Variants in ARHGEF1 observed in about 807,000 individuals in gnomAD.
ARHGEF1 encodes the protein 115 kDa guanine nucleotide exchange factor.
A neutral mutation model predicts 119.7 loss-of-function variants in ARHGEF1; 40 were observed. The ratio of observed to expected loss-of-function variants is 0.33; its 90% confidence interval spans 0.26 to 0.44. The LOEUF is 0.44. Ranked by LOEUF, ARHGEF1 falls within the 20% of genes least tolerant of loss-of-function variation. ARHGEF1 has a pLI of 1.00. For synonymous variants in ARHGEF1, 494 were observed against 521.0 expected (o/e 0.95, Z 0.71); for missense variants, 976 against 1,268.3 (o/e 0.77, Z 3.50).
Position 41,905,318 on chromosome 19 carries a change from C to G in ARHGEF1, c.2336+57C>G. 1.3e-6 allele frequency: 2 copies of G among 1,494,308 alleles called. No individual in the cohort carries two copies. The highest frequency in any genetic ancestry group is 1.8e-6 in the Non-Finnish European group (2 of 1,096,372). The allele number at this position is 1,494,308 out of a possible 1,614,324, so 92.6% of individuals were successfully genotyped here. On this transcript the variant is annotated intron_variant, in intron 24 of 28. Coordinates refer to ENST00000354532, the MANE Select transcript of ARHGEF1 (RefSeq NM_004706.4). The surrounding 1 kb of genome is among the most constrained non-coding windows in gnomAD (Gnocchi z 6.4). Reference sequence around the variant, plus strand: ...CAGGGAGTGGGGCCGGAAGGCGGGGCAGGCTTCCCTCCACAACTCCAGAAC... The same window carrying G: ...CAGGGAGTGGGGCCGGAAGGCGGGGGAGGCTTCCCTCCACAACTCCAGAAC...
chr19:41,924,178 G>C (rs2074858689), intron 1 of ARHGEF1, among the ~76,000 whole-genome samples: 2 of 151,856 alleles, frequency 1.3e-5, no homozygotes, highest in Non-Finnish European at 2.9e-5. Flanking sequence ...GGAGAAGCAA[G>C]TGTCACCAAA....
rs577122149 is a variant in ARHGEF1 at position 41,905,545 on chromosome 19, G to A, written c.2337-215G>A. On this transcript the variant is annotated intron_variant, in intron 24 of 28. Coordinates refer to ENST00000354532, the MANE Select transcript of ARHGEF1 (RefSeq NM_004706.4). The surrounding 1 kb of genome is among the most constrained non-coding windows in gnomAD (Gnocchi z 6.4). ...TGTGCATGCATGTGTGTGTGTGTGC[G>A]CATGTGCCGACCCCACCACTGCCCC... 1.8e-4 allele frequency: 113 copies of A among 618,022 alleles called. No homozygotes were observed. Among genetic ancestry groups the A allele is most frequent in the East Asian group, 2.7e-4 (10 of 36,478 alleles). 38.3% of individuals were successfully genotyped at this position (618,022 alleles called of 1,614,324 possible).
rs782124733 is a variant in ARHGEF1 at position 41,906,530 on chromosome 19, G to A, written c.2565G>A (p.Gly855=). 4 of 1,581,636 alleles carry A rather than the reference G, an allele frequency of 2.5e-6. No individual in the cohort carries two copies. The Admixed American group carries it at 6.3e-5, about 25-fold the overall frequency. The change falls in exon 27 of 29, where the codon GGG becomes GGA. Residue 855 remains glycine (G), a synonymous_variant. Coordinates refer to ENST00000354532, the MANE Select transcript of ARHGEF1 (RefSeq NM_004706.4). This position sits in a 1 kb window ranked among gnomAD's most constrained non-coding sequence, Gnocchi z 4.5. ...CGGGGCCTCCTCGAGATGGGGATGG[G>A]GTCCCAGGGGGCGGCCCCCTGAGCC... The part of the protein sequence containing the change: ...NGAGPPRDGD[G]VPGGGPLSPA...
chr19:41,906,850 C>T lies in ARHGEF1; in HGVS notation c.*17+47C>T. ...CAGGGCGCTGTCCTGAAAGGAGGGTCCCCCTCCAGAGCTCGCATCCCTACA... is the reference window on the plus strand; with the variant it reads ...CAGGGCGCTGTCCTGAAAGGAGGGTTCCCCTCCAGAGCTCGCATCCCTACA... On this transcript the variant is annotated intron_variant, in intron 28 of 28. Transcript: ENST00000354532. This position sits in a 1 kb window ranked among gnomAD's most constrained non-coding sequence, Gnocchi z 4.5. 2 of 1,450,890 alleles carry T rather than the reference C, an allele frequency of 1.4e-6. No individual in the cohort carries two copies. Among genetic ancestry groups the T allele is most frequent in the South Asian group, 1.3e-5 (1 of 77,422 alleles). 89.9% of individuals were successfully genotyped at this position (1,450,890 alleles called of 1,614,324 possible).
rs2074664328 is a variant in ARHGEF1 at position 41,904,826 on chromosome 19, G to T, written c.2162-123G>T. ...TGGATATTAGCAGACAGTGAGTGGTGAGTTGAGCCATGGGAGCCCTGAGAG... is the reference window on the plus strand; with the variant it reads ...TGGATATTAGCAGACAGTGAGTGGTTAGTTGAGCCATGGGAGCCCTGAGAG... On this transcript the variant is annotated intron_variant, in intron 22 of 28. Coordinates refer to ENST00000354532, the MANE Select transcript of ARHGEF1 (RefSeq NM_004706.4). The surrounding 1 kb of genome is among the most constrained non-coding windows in gnomAD (Gnocchi z 8.4). 1 of 767,602 alleles carries T rather than the reference G, an allele frequency of 1.3e-6. No homozygotes were observed. The highest frequency in any genetic ancestry group is 2.2e-6 in the Non-Finnish European group (1 of 444,684). 47.5% of individuals were successfully genotyped at this position (767,602 alleles called of 1,614,324 possible).
At position 41,905,255 on chromosome 19, in the gene ARHGEF1, C is replaced by T. The variant is rs146058052; in HGVS notation, c.2330C>T (p.Pro777Leu). The change falls in exon 24 of 29, where the codon CCG (proline) becomes CTG (leucine). Residue 777 changes from proline (P) to leucine (L), a missense_variant. Around this residue, in one of 3 missense-constraint regions of ARHGEF1, gnomAD observed 171 missense variants for 180.6 expected, o/e 0.95. Transcript: ENST00000354532. This position sits in a 1 kb window ranked among gnomAD's most constrained non-coding sequence, Gnocchi z 6.4. ...PASRPKPRPS[P>L]SSTREPLLSS... ...TCTCGCCCTAAGCCCCGGCCCAGCC[C>T]GAGCAGGTGAGGGGGGCCATGGAGA... The T allele has an allele frequency of 6.6e-5, 107 of 1,613,020 alleles. No individual in the cohort carries two copies. The African/African-American group carries it at 1.2e-3, about 18-fold the overall frequency.
chr19:41,928,842 A>G (rs1555853578), exon 2 of ARHGEF1: 1 of 449,984 alleles, frequency 2.2e-6, no homozygotes, highest in Non-Finnish European at 4.5e-6. Flanking sequence ...GGACGCGCGG[A>G]CAAACGGACA....
intron 1 of ARHGEF1, among the ~76,000 whole-genome samples, chr19:41,927,575 T>A (rs2074879086): frequency 6.6e-6 from 1 of 152,084 alleles, no homozygotes; most frequent in Non-Finnish European, 1.5e-5. Flanking sequence ...CCGCCCCAAG[T>A]GTCCAGTCTC....
chr19:41,884,998 T>C (rs943053692), intron 1 of ARHGEF1, among the ~76,000 whole-genome samples: 10 of 152,154 alleles, frequency 6.6e-5, no homozygotes, highest in African/African-American at 2.2e-4. Flanking sequence ...CTGAGTCACC[T>C]GCTCAACACA....
Position 41,904,312 on chromosome 19 carries a change from C to T in ARHGEF1, c.2090C>T (p.Thr697Met). The change falls in exon 22 of 29, where the codon ACG becomes ATG. Residue 697 changes from threonine (T) to methionine (M), a missense_variant. Physicochemically the swap from Thr to Met is moderately conservative, Grantham distance 81. Transcript: ENST00000354532. The surrounding 1 kb of genome is among the most constrained non-coding windows in gnomAD (Gnocchi z 8.4). ...TCCCATAGCCGGACACTGACGCCCA[C>T]GCCCGATGGCAAGACCATGCTGCGG... The part of the protein sequence containing the change: ...LKSHSRTLTP[T>M]PDGKTMLRPV... 6 of 1,609,792 alleles carry T rather than the reference C, an allele frequency of 3.7e-6. No homozygotes were observed. Among genetic ancestry groups the T allele is most frequent in the South Asian group, 1.1e-5 (1 of 90,690 alleles).
rs782277908 is a variant in ARHGEF1, at chr19:41,892,288, C to T, written c.325-43C>T. 1 of 1,612,162 alleles carries T rather than the reference C, an allele frequency of 6.2e-7. No homozygotes were observed. The highest frequency in any genetic ancestry group is 1.1e-5 in the South Asian group (1 of 91,064). On this transcript the variant is annotated intron_variant, in intron 5 of 28. Transcript: ENST00000354532. The surrounding 1 kb of genome is among the most constrained non-coding windows in gnomAD (Gnocchi z 6.3). ...GCAGTCCTCCCGGCCTGCATCTCAG[C>T]ACACCAAGTCCTCCTCTTCACCCCA...
Position 41,904,240 on chromosome 19 carries a change from A to C in ARHGEF1, c.2018A>C (p.Asp673Ala). 6.2e-7 allele frequency: 1 copy of C among 1,613,310 alleles called. No individual in the cohort carries two copies. Among genetic ancestry groups the C allele is most frequent in the Non-Finnish European group, 8.5e-7 (1 of 1,179,794 alleles). The change falls in exon 22 of 29, where the codon GAC becomes GCC. Residue 673 changes from aspartate (D) to alanine (A), a missense_variant. By Grantham distance (126) the Asp-to-Ala change is moderately radical. Coordinates refer to ENST00000354532, the MANE Select transcript of ARHGEF1 (RefSeq NM_004706.4). The surrounding 1 kb of genome is among the most constrained non-coding windows in gnomAD (Gnocchi z 8.4). ...AVEVHVLLLD[D>A]LLLLLQRQDE... ...GAGGTGCATGTGCTGCTGCTGGACG[A>C]CCTGCTGCTGCTGCTCCAGCGCCAG...
At chr19:41,921,242 G>A (rs2074840548), upstream of ARHGEF1, among the ~76,000 whole-genome samples, 1 of 152,134 alleles carries the variant, frequency 6.6e-6, no homozygotes, top group South Asian at 2.1e-4. The surrounding 1 kb of genome is among the most constrained non-coding windows in gnomAD (Gnocchi z 4.4). Context: ...TGGAGGAACT[G>A]GAGGTTGGGG....
intron 14 of ARHGEF1, among the ~76,000 whole-genome samples, chr19:41,901,472 C>T (rs1437943632): frequency 6.6e-6 from 1 of 152,116 alleles, no homozygotes; most frequent in Non-Finnish European, 1.5e-5. Context: ...GACAAGGTCT[C>T]GCTCTGTTGC....
chr19:41,908,064 G>A (rs2074727830), downstream of ARHGEF1: 1 of 479,928 alleles, frequency 2.1e-6, no homozygotes, highest in Non-Finnish European at 3.3e-6. The surrounding 1 kb of genome is among the most constrained non-coding windows in gnomAD (Gnocchi z 6.7). Flanking sequence ...GGAGGGGGAA[G>A]TGAGACCCCC....
intron 1 of ARHGEF1, among the ~76,000 whole-genome samples, chr19:41,884,144 C>T (rs1555844823): frequency 6.6e-6 from 1 of 152,074 alleles, no homozygotes; most frequent in Admixed American, 6.5e-5. Flanking sequence ...CGATCGAACT[C>T]GGGAGGAGTT....
In ARHGEF1 at chr19:41,906,276, C is replaced by T; in HGVS notation, c.2492-181C>T. The T allele has an allele frequency of 1.4e-6, 1 of 696,850 alleles. No homozygotes were observed. The highest frequency in any genetic ancestry group is 1.9e-5 in the South Asian group (1 of 51,994). 43.2% of individuals were successfully genotyped at this position (696,850 alleles called of 1,614,324 possible). The stretch of plus-strand genomic sequence containing the variant: ...GTCTTCAGTACCTTCCTGCCCTGTC[C>T]CAACCCTAAACCCAGCCTCACTTCT... On this transcript the variant is annotated intron_variant, in intron 26 of 28. Transcript: ENST00000354532. This position sits in a 1 kb window ranked among gnomAD's most constrained non-coding sequence, Gnocchi z 4.5.
chr19:41,908,531 G>T, downstream of ARHGEF1: 1 of 1,231,816 alleles, frequency 8.1e-7, no homozygotes, highest in Non-Finnish European at 1.0e-6. The surrounding 1 kb of genome is among the most constrained non-coding windows in gnomAD (Gnocchi z 6.7). Flanking sequence ...TGGCCAGAGG[G>T]TTGGGGTAGA....
downstream of ARHGEF1, chr19:41,909,309 G>A: frequency 8.1e-7 from 1 of 1,234,808 alleles, no homozygotes; most frequent in Non-Finnish European, 1.0e-6. The surrounding 1 kb of genome is among the most constrained non-coding windows in gnomAD (Gnocchi z 5.2). Flanking sequence ...CTGGCCCTGG[G>A]GCCCCCCCAA....
Sources: gnomAD v4.1 joint callset for allele counts (sites outside exome capture counted in the v4.1 genomes callset) on GRCh38, gnomAD v4.1.1 for gene constraint, gnomAD v4.1.1 regional missense constraint, Gnocchi (gnomAD v3.1) non-coding constraint, MANE v1.5 for transcripts, NCBI Gene and HGNC (gene_info 2026-07-23, HGNC 2026-07-21) for gene names.